Variants in KRT4 observed in about 807,000 individuals in gnomAD.
KRT4 encodes keratin, type II cytoskeletal 4.
A neutral mutation model predicts 50.6 loss-of-function variants in KRT4; 47 were observed. The ratio of observed to expected loss-of-function variants is 0.93; its 90% CI spans 0.73 to 1.18. The LOEUF is 1.18. Ranked by LOEUF, KRT4 falls within the 50% of genes most tolerant of loss-of-function variation. KRT4 has a pLI of 0.00. For synonymous variants in KRT4, 254 were observed against 251.2 expected (o/e 1.01, Z -0.10); for missense variants, 651 against 645.7 (o/e 1.01, Z -0.09).
chr12:52,811,710 G>C (rs941606522), intron 2 of KRT4, 53 bp downstream of exon 2: 1 of 1,447,242 alleles, frequency 6.9e-7, no homozygotes, highest in Admixed American at 1.7e-5. Flanking sequence ...CGGGAGCCTG[G>C]GTGTGGCTGG....
chr12:52,809,606 TG>T, intron 3 of KRT4, 128 bp from the exon 4 acceptor site: 2 of 737,652 alleles, frequency 2.7e-6, no homozygotes, highest in Non-Finnish European at 4.9e-6. Flanking sequence ...GGGGAGCTGG[TG>T]GGAGACCAAT....
intron 2 of KRT4, among the ~76,000 whole-genome samples, chr12:52,811,250 G>T (rs1281447108): frequency 1.3e-5 from 2 of 152,178 alleles, no homozygotes; most frequent in African/African-American, 4.8e-5. Flanking sequence ...AATGAGAGGT[G>T]CTGTGTATTC....
rs754240897 is a variant in KRT4, at chr12:52,810,795, T to C, written c.699A>G (p.Lys233=). Residue 233 remains lysine (K), a synonymous_variant, in exon 3 of 9, where the codon AAA becomes AAG. Coordinates refer to ENST00000551956, the MANE Select transcript of KRT4 (RefSeq NM_002272.4). ...FKTKYEEEIN[K]RTAAENDFVV... ...CAAAGTCATTCTCGGCTGCTGTGCG[T>C]TTGTTGATCTCCTCTTCATACCTGG... is the stretch of plus-strand genomic sequence containing the variant. 1.2e-6 allele frequency: 2 copies of C among 1,614,082 alleles called. No homozygotes were observed. Among genetic ancestry groups the C allele is most frequent in the Admixed American group, 1.7e-5 (1 of 60,032 alleles).
At position 52,806,989 on chromosome 12, in the gene KRT4, T is replaced by C. The variant is rs1939807525; in HGVS notation, c.*80A>G. The C allele has an allele frequency of 8.2e-6, 11 of 1,335,776 alleles. No homozygotes were observed. In the Admixed American group the frequency reaches 1.9e-4, roughly 23 times the overall value. 82.7% of individuals were successfully genotyped at this position (1,335,776 alleles called of 1,614,324 possible). ...TAAGATGAGCCCCAGAGACAGAGGA[T>C]GGAGGTGAAGTGAAGGAAGCACAGA... is the stretch of plus-strand genomic sequence containing the variant. On this transcript the variant is annotated 3_prime_UTR_variant, in exon 9 of 9. Coordinates refer to ENST00000551956, the MANE Select transcript of KRT4 (RefSeq NM_002272.4).
In KRT4 at chr12:52,807,629, T is replaced by A. The variant is rs931479; in HGVS notation, c.1346+15A>T. 4.5e-5 allele frequency: 72 copies of A among 1,612,624 alleles called. No individual in the cohort carries two copies. Among genetic ancestry groups the A allele is most frequent in the Middle Eastern group, 1.9e-4 (1 of 5,384 alleles). On this transcript the variant is annotated intron_variant, in intron 7 of 8. Transcript: ENST00000551956. Reference sequence around the variant, plus strand: ...CTCTCTGGCCCTCATGTTCACACCCTGCCTAACCCCTCACCTGTACTCCTC... The same window carrying A: ...CTCTCTGGCCCTCATGTTCACACCCAGCCTAACCCCTCACCTGTACTCCTC...
chr12:52,812,023 G>A (rs772111800), intron 1 of KRT4, 46 bp from the exon 2 acceptor site: 46 of 1,509,776 alleles, frequency 3.0e-5, no homozygotes, highest in Non-Finnish European at 4.0e-5. Flanking sequence ...CCTGAAGTGT[G>A]GCAGGAGGGC....
intron 6 of KRT4, 41 bp downstream of exon 6, chr12:52,808,253 C>A: frequency 4.3e-6 from 7 of 1,612,612 alleles, no homozygotes; most frequent in Non-Finnish European, 5.9e-6. Flanking sequence ...CTGCCTGAGG[C>A]CCCTGGCCTT....
At position 52,809,778 on chromosome 12, in the gene KRT4, A is replaced by T. The variant is rs1345124370; in HGVS notation, c.739-300T>A. Among the ~76,000 whole-genome samples the T allele has an allele frequency of 2.0e-5, 3 of 152,246 alleles. 1 individual carries two copies. The South Asian group carries it at 6.2e-4, about 32-fold the overall frequency. Reference sequence around the variant, plus strand: ...AATTCCACTCAAAGGAAAAGAAATCATTGTAACAAAAGGATACCTGCACTC... The same window carrying T: ...AATTCCACTCAAAGGAAAAGAAATCTTTGTAACAAAAGGATACCTGCACTC... On this transcript the variant is annotated intron_variant, in intron 3 of 8. Transcript: ENST00000551956.
Position 52,807,630 on chromosome 12 carries a change from G to A in KRT4, c.1346+14C>T, listed in dbSNP as rs146700164. On this transcript the variant is annotated intron_variant, in intron 7 of 8. Transcript: ENST00000551956. ...TCTCTGGCCCTCATGTTCACACCCTGCCTAACCCCTCACCTGTACTCCTCG... is the reference window on the plus strand; with the variant it reads ...TCTCTGGCCCTCATGTTCACACCCTACCTAACCCCTCACCTGTACTCCTCG... 23 of 1,612,562 alleles carry A rather than the reference G, an allele frequency of 1.4e-5. No individual in the cohort carries two copies. Among genetic ancestry groups the A allele is most frequent in the African/African-American group, 5.3e-5 (4 of 74,980 alleles).
chr12:52,807,361 A>AG lies in KRT4; in HGVS notation c.1378_1379insC (p.Ile460ThrfsTer7), dbSNP rs771636573. ...CAGCAGGCGTGGAAGGTACTTACAG[A>AG]TGCTCACGGCACTCTGGCATTCTCC... On this transcript the variant is annotated frameshift_variant, in exon 8 of 9. Transcript: ENST00000551956. LOFTEE classifies it low-confidence loss of function (END_TRUNC). 1.9e-6 allele frequency: 3 copies of AG among 1,614,212 alleles called. No individual in the cohort carries two copies. The South Asian group carries it at 3.3e-5, about 18-fold the overall frequency.
rs200604682 is a variant in KRT4, at chr12:52,807,680, G to A, written c.1310C>T (p.Ala437Val). ...SVKLALDIEI[A>V]TYRKLLEGEE... The stretch of plus-strand genomic sequence containing the variant: ...GCCCTCCAGCAGTTTGCGGTAGGTG[G>A]CGATCTCGATGTCCAAGGCCAGCTT... Residue 437 changes from alanine to valine, a missense_variant, in exon 7 of 9, where the codon GCC becomes GTC. Ala to Val is a moderately conservative substitution (Grantham distance 64, BLOSUM62 0). Coordinates refer to ENST00000551956, the MANE Select transcript of KRT4 (RefSeq NM_002272.4). 6.8e-6 allele frequency: 11 copies of A among 1,613,970 alleles called. No individual in the cohort carries two copies. Among genetic ancestry groups the A allele is most frequent in the Non-Finnish European group, 9.3e-6 (11 of 1,180,036 alleles).
intron 3 of KRT4, 35 bp from the exon 4 acceptor site, chr12:52,809,513 C>A: frequency 6.9e-7 from 1 of 1,455,296 alleles, no homozygotes; most frequent in Non-Finnish European, 9.7e-7. Context: ...AGATGAGGAG[C>A]AGGAATGCCA....
chr12:52,814,069 A>G lies in KRT4; in HGVS notation c.-11T>C. 2.5e-6 allele frequency: 4 copies of G among 1,613,610 alleles called. No individual in the cohort carries two copies. Among genetic ancestry groups the G allele is most frequent in the Non-Finnish European group, 3.4e-6 (4 of 1,179,716 alleles). ...CTGTCTGGCAATCATGGCTGCAGAGAGCGAGCTGGGAGCTATCAGAGAAGT... is the reference window on the plus strand; with the variant it reads ...CTGTCTGGCAATCATGGCTGCAGAGGGCGAGCTGGGAGCTATCAGAGAAGT... On this transcript the variant is annotated 5_prime_UTR_variant, in exon 1 of 9. Transcript: ENST00000551956.
chr12:52,813,461 CT>C, intron 1 of KRT4, 135 bp downstream of exon 1: 1 of 798,610 alleles, frequency 1.3e-6, no homozygotes, highest in Non-Finnish European at 2.1e-6. Context: ...CATGATGCCC[CT>C]TCAACAGCTG....
rs1193782728 is a variant in KRT4 at position 52,807,087 on chromosome 12, G to C, written c.1545C>G (p.Thr515=). ...GTCTCCTCTATCGTCTCTTGTTCAG[G>C]GTGGTGGTAGAGATGATCTTGCTGC... ...SSSSKIISTT[T]LNKRR is the part of the protein sequence containing the mutation. Residue 515 remains threonine, a synonymous_variant, in exon 9 of 9, where the codon ACC becomes ACG. Transcript: ENST00000551956. The C allele has an allele frequency of 6.2e-7, 1 of 1,614,114 alleles. No individual in the cohort carries two copies. Among genetic ancestry groups the C allele is most frequent in the South Asian group, 1.1e-5 (1 of 91,076 alleles).
At position 52,807,691 on chromosome 12, in the gene KRT4, G is replaced by T; in HGVS notation, c.1299C>A (p.Asp433Glu). The change falls in exon 7 of 9, where the codon GAC (aspartate) becomes GAA (glutamate). Residue 433 changes from aspartate to glutamate, a missense_variant. Asp to Glu is a conservative substitution (Grantham distance 45). Transcript: ENST00000551956. ...QELMSVKLALDIEIATYRKLL... is the reference protein window; with the variant it reads ...QELMSVKLALEIEIATYRKLL... ...GTTTGCGGTAGGTGGCGATCTCGAT[G>T]TCCAAGGCCAGCTTCACACTCATGA... 2 of 1,614,130 alleles carry T rather than the reference G, an allele frequency of 1.2e-6. No homozygotes were observed. Among genetic ancestry groups the T allele is most frequent in the Non-Finnish European group, 1.7e-6 (2 of 1,180,016 alleles).
Position 52,807,190 on chromosome 12 carries a change from C to G in KRT4, c.1442G>C (p.Gly481Ala). 6.2e-7 allele frequency: 1 copy of G among 1,614,180 alleles called. No homozygotes were observed. Among genetic ancestry groups the G allele is most frequent in the Non-Finnish European group, 8.5e-7 (1 of 1,180,016 alleles). The change falls in exon 9 of 9, where the codon GGG (glycine) becomes GCG (alanine). Residue 481 changes from glycine to alanine, a missense_variant. Transcript: ENST00000551956. Reference sequence around the variant, plus strand: ...GCCAAAGCCACTACTCAGGCCAAACCCGGAGCCACTTCCTAATCCTCCGCT... The same window carrying G: ...GCCAAAGCCACTACTCAGGCCAAACGCGGAGCCACTTCCTAATCCTCCGCT... ...GISGGLGSGS[G>A]FGLSSGFGSG...
intron 8 of KRT4, 38 bp downstream of exon 8, chr12:52,807,321 G>A (rs1188913674): frequency 1.2e-6 from 2 of 1,614,160 alleles, no homozygotes; most frequent in Non-Finnish European, 1.7e-6. Flanking sequence ...CAAGACCCGG[G>A]TGAATGAACA....
At chr12:52,808,446 C>A (rs748428749) in intron 5 of KRT4, 27 bp from the exon 6 acceptor site, 6 of 1,612,824 alleles carry the variant, frequency 3.7e-6, no homozygotes, top group Non-Finnish European at 5.1e-6. Context: ...CACAGAGAAC[C>A]AGGTGTTAGG....
Sources: allele counts gnomAD v4.1 joint callset (sites outside exome capture counted in the v4.1 genomes callset), GRCh38; gene constraint gnomAD v4.1.1; transcripts MANE v1.5; gene names NCBI Gene and HGNC (gene_info 2026-07-23, HGNC 2026-07-21).